Variants in ACAD10 observed in about 807,000 individuals in gnomAD.
ACAD10 encodes the protein acyl-CoA dehydrogenase family member 10, also known as ACAD-10.
ACAD10 carries 112 observed loss-of-function variants against 116.8 expected under a neutral mutation model. That is an observed-to-expected ratio of 0.96 (90% CI 0.82 to 1.12). The LOEUF is 1.12. ACAD10 is among the 50% of genes most tolerant of loss of function. ACAD10 has a pLI of 0.00. For missense variants in ACAD10, 1,259 were observed against 1,350.2 expected, an observed-to-expected ratio of 0.93 and a Z score of 1.06; for synonymous variants, 486 against 510.6, an observed-to-expected ratio of 0.95 and a Z score of 0.65.
intron 1 of ACAD10, among the ~76,000 whole-genome samples, chr12:111,687,676 C>T (rs1277922562): frequency 1.3e-5 from 2 of 151,996 alleles, no homozygotes; most frequent in Non-Finnish European, 2.9e-5. Flanking sequence ...TTTCATATAC[C>T]TTGTGTCATG....
At chr12:111,723,973 C>T (rs567502627) in intron 8 of ACAD10, among the ~76,000 whole-genome samples, 1,849 of 150,642 alleles carry the variant, frequency 0.012, 47 homozygotes, top group African/African-American at 0.043. Flanking sequence ...AGGCGCTCCC[C>T]ACATCTCAGA....
In ACAD10 at chr12:111,745,098, G is replaced by A. The variant is rs181686409; in HGVS notation, c.2115+55G>A. ...CCCAATACCATGGCATACCCTCCCC[G>A]ACCCCACCGGGCTCACCTGAACCAT... On this transcript the variant is annotated intron_variant, in intron 13 of 20. Transcript: ENST00000313698. The A allele has an allele frequency of 5.9e-3, 9,183 of 1,546,542 alleles. 50 individuals are homozygous for A. Among genetic ancestry groups the A allele is most frequent in the South Asian group, 9.2e-3 (770 of 83,270 alleles).
At chr12:111,710,497 ATTTT>A in intron 5 of ACAD10, 1 of 211,174 alleles carries the variant, frequency 4.7e-6, no homozygotes, top group African/African-American at 2.6e-5. Context: ...GTATTGTGAA[ATTTT>A]TTTTTTTTTT....
intron 8 of ACAD10, among the ~76,000 whole-genome samples, chr12:111,726,099 C>T (rs1162961114): frequency 6.6e-6 from 1 of 151,916 alleles, no homozygotes; most frequent in African/African-American, 2.4e-5. Flanking sequence ...ACTGAAAATA[C>T]AGAAATTAGC....
At chr12:111,747,008 G>A in intron 14 of ACAD10, 41 bp from the exon 15 acceptor site, 1 of 1,520,930 alleles carries the variant, frequency 6.6e-7, no homozygotes, top group East Asian at 2.3e-5. Context: ...TTTTTTAGAA[G>A]AGGACATGAC....
chr12:111,756,638 G>T lies in ACAD10; in HGVS notation c.*165G>T. ...TCAATCTTTCTGGTTCTCCACAGAA[G>T]ACGTCTCTGCAAGAAGCCTGGAGTC... On this transcript the variant is annotated 3_prime_UTR_variant, in exon 21 of 21. Coordinates refer to ENST00000313698, the MANE Select transcript of ACAD10 (RefSeq NM_025247.6). 6 of 1,161,788 alleles carry T rather than the reference G, an allele frequency of 5.2e-6. No homozygotes were observed. Among genetic ancestry groups the T allele is most frequent in the Non-Finnish European group, 7.4e-6 (6 of 806,724 alleles). The allele number at this position is 1,161,788 out of a possible 1,614,324, so 72.0% of individuals were successfully genotyped here.
At chr12:111,744,560 T>C in intron 12 of ACAD10, 83 bp from the exon 13 acceptor site, 1 of 1,511,774 alleles carries the variant, frequency 6.6e-7, no homozygotes, top group Non-Finnish European at 8.9e-7. Context: ...CAATAGCTGC[T>C]GAAGTGACAG....
At chr12:111,729,294 A>G (rs539502410) in intron 9 of ACAD10, among the ~76,000 whole-genome samples, 2 of 152,096 alleles carry the variant, frequency 1.3e-5, no homozygotes, top group South Asian at 2.1e-4. Flanking sequence ...CTGGAGTGCA[A>G]TGGCGCAATC....
At chr12:111,755,533 G>A in intron 19 of ACAD10, 135 bp from the exon 20 acceptor site, 1 of 675,658 alleles carries the variant, frequency 1.5e-6, no homozygotes, top group Middle Eastern at 4.3e-4. Context: ...CTCCTGAGTA[G>A]CTGGGACTAC....
chr12:111,748,068 A>C (rs1027804575), intron 16 of ACAD10, among the ~76,000 whole-genome samples: 1 of 152,136 alleles, frequency 6.6e-6, no homozygotes, highest in Non-Finnish European at 1.5e-5. Flanking sequence ...TCTCTAAATT[A>C]TATTTTCTAC....
At chr12:111,716,477 T>C (rs1037044515) in intron 7 of ACAD10, among the ~76,000 whole-genome samples, 2 of 152,216 alleles carry the variant, frequency 1.3e-5, no homozygotes, top group African/African-American at 2.4e-5. Context: ...ATAATTCCAA[T>C]TCTGGGGCTC....
chr12:111,697,936 G>A (rs528531250), intron 2 of ACAD10, among the ~76,000 whole-genome samples: 14 of 145,794 alleles, frequency 9.6e-5, no homozygotes, highest in African/African-American at 3.5e-4. Context: ...CTGAGGTTGC[G>A]CCTTTTTTTT....
In ACAD10 at chr12:111,702,166, G is replaced by C. The variant is rs1351336275; in HGVS notation, c.192G>C (p.Trp64Cys). 6.2e-7 allele frequency: 1 copy of C among 1,612,072 alleles called. No individual in the cohort carries two copies. The highest frequency in any genetic ancestry group is 1.7e-4 in the Middle Eastern group (1 of 6,052). The part of the protein sequence containing the change: ...IPSPGRVAAE[W>C]EVQNRIPSGT... ...TGCATATTTTGCTTCCTATAGAATG[G>C]GAGGTACAGAATCGTATCCCTTCTG... The change falls in exon 3 of 21, where the codon TGG becomes TGC. Residue 64 changes from tryptophan (W) to cysteine (C), a missense_variant. Transcript: ENST00000313698.
intron 12 of ACAD10, among the ~76,000 whole-genome samples, chr12:111,738,931 A>T (rs973174573): frequency 7.4e-6 from 1 of 134,642 alleles, no homozygotes; most frequent in East Asian, 2.4e-4. Flanking sequence ...AAAGAGACAA[A>T]GTCTCATTGA....
At chr12:111,704,148 A>T (rs546529454) in intron 3 of ACAD10, among the ~76,000 whole-genome samples, 2,820 of 147,812 alleles carry the variant, frequency 0.019, 41 homozygotes, top group Non-Finnish European at 0.029. Flanking sequence ...TTTTTTTTTT[A>T]ATTTTTTTTT....
intron 12 of ACAD10, among the ~76,000 whole-genome samples, chr12:111,737,991 T>C (rs1889622075): frequency 6.6e-6 from 1 of 152,052 alleles, no homozygotes; most frequent in Non-Finnish European, 1.5e-5. Flanking sequence ...AAGCTGGGAT[T>C]ATAGGCACAT....
intron 2 of ACAD10, among the ~76,000 whole-genome samples, chr12:111,697,677 C>T (rs76881874): frequency 2.0e-5 from 3 of 151,330 alleles, no homozygotes; most frequent in Admixed American, 6.6e-5. Context: ...CTTCGCCTCC[C>T]GGGTTCACAC....
chr12:111,708,029 C>T (rs1888562751), intron 4 of ACAD10, among the ~76,000 whole-genome samples: 1 of 152,336 alleles, frequency 6.6e-6, no homozygotes, highest in South Asian at 2.1e-4. Context: ...CAGACAGCCT[C>T]TGTCATGCTT....
chr12:111,744,740 T>G lies in ACAD10; in HGVS notation c.1812T>G (p.Val604=), dbSNP rs780381709. The G allele has an allele frequency of 2.5e-6, 4 of 1,614,046 alleles. No individual in the cohort carries two copies. Among genetic ancestry groups the G allele is most frequent in the Non-Finnish European group, 1.7e-6 (2 of 1,180,030 alleles). Reference sequence around the variant, plus strand: ...TCGCAGTCAAAGAAGGGTTCCGGGTTTTCAAAGAGATGCCCTTCACAAATC... The same window carrying G: ...TCGCAGTCAAAGAAGGGTTCCGGGTGTTCAAAGAGATGCCCTTCACAAATC... The part of the protein sequence containing the change: ...WDFAVKEGFR[V]FKEMPFTNPL... Residue 604 remains valine, a synonymous_variant, in exon 13 of 21, where the codon GTT becomes GTG. Transcript: ENST00000313698.
Sources: gnomAD v4.1 joint callset for allele counts (sites outside exome capture counted in the v4.1 genomes callset) on GRCh38, gnomAD v4.1.1 for gene constraint, MANE v1.5 for transcripts, NCBI Gene and HGNC (gene_info 2026-07-23, HGNC 2026-07-21) for gene names.